Variants in FRMD4A observed in about 807,000 individuals in gnomAD.
The protein encoded by FRMD4A is FERM domain containing 4A.
In FRMD4A, 29 loss-of-function variants were observed where a neutral mutation model predicts 129.1. The ratio of observed to expected loss-of-function variants is 0.22; its 90% confidence interval spans 0.17 to 0.31. The LOEUF is 0.31. Ranked by LOEUF, FRMD4A falls within the 10% of genes least tolerant of loss-of-function variation. The pLI is 1.00. For synonymous variants in FRMD4A, 634 were observed against 571.6 expected, an observed-to-expected ratio of 1.11 and a Z score of -1.56; for missense variants, 1,272 against 1,375.8, an observed-to-expected ratio of 0.92 and a Z score of 1.19.
At chr10:13,902,200 T>G (rs1367061948) in intron 2 of FRMD4A, among the ~76,000 whole-genome samples, 1 of 152,062 alleles carries the variant, frequency 6.6e-6, no homozygotes, top group Non-Finnish European at 1.5e-5. Flanking sequence ...TTTTTAAATT[T>G]TTTTGTAAAG....
chr10:13,649,269 G>A (rs192243997), intron 24 of FRMD4A: 15 of 152,364 alleles, frequency 9.8e-5, no homozygotes, highest in Admixed American at 9.1e-4. Context: ...AGACCATTGA[G>A]TTCAAAGCAG....
At chr10:14,129,508 C>G (rs1001695609) in intron 2 of FRMD4A, among the ~76,000 whole-genome samples, 1 of 150,576 alleles carries the variant, frequency 6.6e-6, no homozygotes, top group African/African-American at 2.4e-5. Flanking sequence ...GCACCCAGGA[C>G]AGAAGCCTGA....
At chr10:13,853,277 C>A (rs1037808077) in intron 3 of FRMD4A, among the ~76,000 whole-genome samples, 2 of 152,170 alleles carry the variant, frequency 1.3e-5, no homozygotes, top group African/African-American at 4.8e-5. Context: ...CAGTGGCTCA[C>A]GCCTGCCATC....
At chr10:13,674,275 G>C (rs1197743999) in intron 16 of FRMD4A, among the ~76,000 whole-genome samples, 1 of 152,138 alleles carries the variant, frequency 6.6e-6, no homozygotes, top group Non-Finnish European at 1.5e-5. Flanking sequence ...AATAAACTCA[G>C]GCACAAAATC....
intron 2 of FRMD4A, among the ~76,000 whole-genome samples, chr10:13,875,365 T>C (rs932890504): frequency 2.0e-5 from 3 of 151,968 alleles, no homozygotes; most frequent in Non-Finnish European, 4.4e-5. Context: ...AACTGCAAAG[T>C]GATATTAAAG....
chr10:14,104,643 A>G (rs1837491101), intron 2 of FRMD4A, among the ~76,000 whole-genome samples: 1 of 152,204 alleles, frequency 6.6e-6, no homozygotes, highest in Non-Finnish European at 1.5e-5. Context: ...CACAAAGCCA[A>G]GAGAATTTCC....
intron 2 of FRMD4A, among the ~76,000 whole-genome samples, chr10:14,032,755 T>C (rs1833307179): frequency 6.6e-6 from 1 of 152,152 alleles, no homozygotes; most frequent in African/African-American, 2.4e-5. Context: ...CATCTGTTGC[T>C]AGGAGCCAGC....
intron 2 of FRMD4A, among the ~76,000 whole-genome samples, chr10:13,872,934 G>A (rs1380364526): frequency 1.3e-5 from 2 of 152,152 alleles, no homozygotes; most frequent in Non-Finnish European, 2.9e-5. Context: ...ACAGCACTTT[G>A]GGAGGCGGAG....
At position 13,912,520 on chromosome 10, in the gene FRMD4A, ATTT is replaced by A. The variant is rs57865883; in HGVS notation, c.46-53611_46-53609del. On this transcript the variant is annotated intron_variant, in intron 2 of 24. Coordinates refer to ENST00000357447, the MANE Select transcript of FRMD4A (RefSeq NM_018027.5). ...AAATGTGATGTATCCACATAATAGA[ATTT>A]TTTTTTTTTTTTTTTTTTTTTTTGA... 9.0e-4 allele frequency among the ~76,000 whole-genome samples: 113 copies of A among 126,150 alleles called. 3 individuals carry two copies. The highest frequency in any genetic ancestry group is 1.6e-3 in the South Asian group (6 of 3,768). The allele number at this position is 126,150 out of a possible 152,430, so 82.8% of individuals were successfully genotyped here.
At chr10:13,950,873 A>T (rs768334383) in intron 2 of FRMD4A, among the ~76,000 whole-genome samples, 48 of 152,136 alleles carry the variant, frequency 3.2e-4, no homozygotes, top group Admixed American at 1.5e-3. Context: ...CTCTCTTGCC[A>T]TGGAGAATGG....
intron 12 of FRMD4A, among the ~76,000 whole-genome samples, chr10:13,728,320 C>T (rs990533935): frequency 2.0e-5 from 3 of 151,964 alleles, no homozygotes; most frequent in East Asian, 1.9e-4. Flanking sequence ...GAAGAGAAAC[C>T]GGCCTTGGTG....
chr10:14,121,789 A>G (rs533501224), intron 2 of FRMD4A, among the ~76,000 whole-genome samples: 1 of 152,296 alleles, frequency 6.6e-6, no homozygotes, highest in African/African-American at 2.4e-5. Flanking sequence ...GACAGCGTGA[A>G]CTTGGGGGCC....
intron 2 of FRMD4A, among the ~76,000 whole-genome samples, chr10:13,866,760 T>C (rs866717643): frequency 4.6e-5 from 7 of 152,190 alleles, no homozygotes; most frequent in Admixed American, 1.3e-4. Flanking sequence ...AAGATCAGCT[T>C]GGCCAACATG....
chr10:14,301,047 A>G (rs990061529), intron 2 of FRMD4A, among the ~76,000 whole-genome samples: 40 of 152,210 alleles, frequency 2.6e-4, no homozygotes, highest in Non-Finnish European at 3.8e-4. Context: ...GAAGTCTCAC[A>G]TCCTGCTCAG....
At chr10:13,650,696 T>C (rs570565889) in intron 24 of FRMD4A, among the ~76,000 whole-genome samples, 1 of 152,274 alleles carries the variant, frequency 6.6e-6, no homozygotes, top group East Asian at 1.9e-4. Context: ...TCTGTCAACT[T>C]TGCAATATTG....
chr10:14,277,350 G>A (rs929617536), intron 2 of FRMD4A, among the ~76,000 whole-genome samples: 13 of 152,228 alleles, frequency 8.5e-5, no homozygotes, highest in Admixed American at 7.9e-4. Flanking sequence ...AGGAAGGGGG[G>A]CGGTTAGGAG....
intron 2 of FRMD4A, among the ~76,000 whole-genome samples, chr10:14,103,825 A>T (rs1214262144): frequency 6.6e-6 from 1 of 152,186 alleles, no homozygotes; most frequent in Non-Finnish European, 1.5e-5. Flanking sequence ...CCTATCATCT[A>T]TCTTTTTTCT....
chr10:14,084,144 G>A (rs1371862504), intron 2 of FRMD4A, among the ~76,000 whole-genome samples: 1 of 152,138 alleles, frequency 6.6e-6, no homozygotes, highest in Non-Finnish European at 1.5e-5. Flanking sequence ...CATGCACAGA[G>A]GGCTTTTTTA....
chr10:14,000,631 A>G (rs1196321689), intron 2 of FRMD4A, among the ~76,000 whole-genome samples: 4 of 111,450 alleles, frequency 3.6e-5, no homozygotes, highest in Non-Finnish European at 6.9e-5. Context: ...TGGGTGACAG[A>G]GCAAGACGCC....
Sources: allele counts gnomAD v4.1 joint callset (sites outside exome capture counted in the v4.1 genomes callset), GRCh38; gene constraint gnomAD v4.1.1; transcripts MANE v1.5; gene names NCBI Gene and HGNC (gene_info 2026-07-23, HGNC 2026-07-21).